The following TMEM132B variants were observed in gnomAD, a reference collection of about 807,000 sequenced individuals.
The protein encoded by TMEM132B is transmembrane protein 132B.
In TMEM132B, 18 loss-of-function variants were observed where a neutral mutation model predicts 90.8. The ratio of observed to expected loss-of-function variants is 0.20; its 90% CI spans 0.14 to 0.29. The LOEUF is 0.29. Ranked by LOEUF, TMEM132B falls within the 10% of genes least tolerant of loss-of-function variation. TMEM132B has a pLI of 1.00. For missense variants in TMEM132B, 1,096 were observed against 1,326.8 expected, an observed-to-expected ratio of 0.83 and a Z score of 2.70; for synonymous variants, 504 against 523.3, an observed-to-expected ratio of 0.96 and a Z score of 0.50.
Position 125,519,759 on chromosome 12 carries a change from A to G in TMEM132B, c.1293+134A>G, listed in dbSNP as rs1036734857. 4.5e-6 allele frequency: 4 copies of G among 884,592 alleles called. No individual in the cohort carries two copies. The African/African-American group carries it at 6.7e-5, about 15-fold the overall frequency. 54.8% of individuals were successfully genotyped at this position (884,592 alleles called of 1,614,324 possible). The stretch of plus-strand genomic sequence containing the variant: ...GGAAAATATACTTAAATTGCATTTG[A>G]TCTACCTGCTTTTCATAATGGCTCC... On this transcript the variant is annotated intron_variant, in intron 4 of 8. Transcript: ENST00000682704.
chr12:125,647,718 G>C (rs1253437703), intron 6 of TMEM132B, among the ~76,000 whole-genome samples: 3 of 152,080 alleles, frequency 2.0e-5, no homozygotes, highest in African/African-American at 7.2e-5. Context: ...AATGGAAAAG[G>C]ATTTGGAACT....
intron 4 of TMEM132B, among the ~76,000 whole-genome samples, chr12:125,559,643 A>G (rs1884471242): frequency 6.6e-6 from 1 of 152,014 alleles, no homozygotes; most frequent in South Asian, 2.1e-4. Flanking sequence ...CCCTCCTGAC[A>G]TGAAAGTGGT....
At chr12:125,243,172 C>T (rs893335108) in intron 1 of TMEM132B, among the ~76,000 whole-genome samples, 1 of 150,000 alleles carries the variant, frequency 6.7e-6, no homozygotes, top group Non-Finnish European at 1.5e-5. Context: ...TTATTGGAAT[C>T]TCACTCTGTC....
Position 125,654,734 on chromosome 12 carries a change from A to G in TMEM132B, c.*24A>G. The G allele has an allele frequency of 6.3e-7, 1 of 1,590,296 alleles. No individual in the cohort carries two copies. Among genetic ancestry groups the G allele is most frequent in the Non-Finnish European group, 8.6e-7 (1 of 1,168,112 alleles). ...AAACTCCTTTCTTATGTTTGTATTC[A>G]CCTTTATGCCTTCTGTTTTTTGAAT... On this transcript the variant is annotated 3_prime_UTR_variant, in exon 9 of 9. Coordinates refer to ENST00000682704, the MANE Select transcript of TMEM132B (RefSeq NM_001366854.1). The surrounding 1 kb of genome is among the most constrained non-coding windows in gnomAD (Gnocchi z 5.8).
chr12:125,423,877 CAT>C (rs1298226744), intron 3 of TMEM132B, among the ~76,000 whole-genome samples: 3 of 152,052 alleles, frequency 2.0e-5, no homozygotes, highest in African/African-American at 7.2e-5. Flanking sequence ...TATATAGTAA[CAT>C]ATTTTCATGT....
intron 1 of TMEM132B, among the ~76,000 whole-genome samples, chr12:125,208,306 A>T (rs1256324877): frequency 6.6e-6 from 1 of 152,226 alleles, no homozygotes; most frequent in South Asian, 2.1e-4. Context: ...TTGAGCTTAG[A>T]TTTACATAAC....
intron 1 of TMEM132B, among the ~76,000 whole-genome samples, chr12:125,342,471 G>A (rs11058146): frequency 0.31 from 47,624 of 152,044 alleles, 7,671 homozygotes; most frequent in South Asian, 0.43. Context: ...TCTCTGGTGT[G>A]TGATGCTAGG....
chr12:125,374,197 C>T (rs1290547344), intron 2 of TMEM132B, among the ~76,000 whole-genome samples: 2 of 152,170 alleles, frequency 1.3e-5, no homozygotes, highest in African/African-American at 4.8e-5. Flanking sequence ...AGGGATGTTC[C>T]TCTTTAGGGA....
At chr12:125,486,729 C>A (rs1316882613) in intron 3 of TMEM132B, among the ~76,000 whole-genome samples, 2 of 152,204 alleles carry the variant, frequency 1.3e-5, no homozygotes, top group Admixed American at 6.5e-5. Flanking sequence ...CTGTAAAATC[C>A]TATTTCCCAG....
chr12:125,656,076 C>A lies in TMEM132B; in HGVS notation c.*1366C>A, dbSNP rs976590819. On this transcript the variant is annotated 3_prime_UTR_variant, in exon 9 of 9. Coordinates refer to ENST00000682704, the MANE Select transcript of TMEM132B (RefSeq NM_001366854.1). Reference sequence around the variant, plus strand: ...AACGGCAAGAGAAAAAAAGAAACAACTCCTGCATAATGTTTAAATAAAAAT... The same window carrying A: ...AACGGCAAGAGAAAAAAAGAAACAAATCCTGCATAATGTTTAAATAAAAAT... 1 of 152,090 alleles carries A rather than the reference C, an allele frequency of 6.6e-6. No individual in the cohort carries two copies. The highest frequency in any genetic ancestry group is 2.4e-5 in the African/African-American group (1 of 41,430). 9.4% of individuals were successfully genotyped at this position (152,090 alleles called of 1,614,324 possible).
At chr12:125,558,020 A>G (rs925286482) in intron 4 of TMEM132B, among the ~76,000 whole-genome samples, 1 of 152,176 alleles carries the variant, frequency 6.6e-6, no homozygotes, top group Non-Finnish European at 1.5e-5. Context: ...GATAACCAGG[A>G]CTGTTCATGA....
chr12:125,437,968 C>T (rs979711003), intron 3 of TMEM132B, among the ~76,000 whole-genome samples: 1 of 152,072 alleles, frequency 6.6e-6, no homozygotes, highest in Non-Finnish European at 1.5e-5. Context: ...ATTTATTTTA[C>T]CACAACAAAA....
chr12:125,204,242 G>A (rs369975515), intron 1 of TMEM132B, among the ~76,000 whole-genome samples: 77 of 142,828 alleles, frequency 5.4e-4, no homozygotes, highest in African/African-American at 1.5e-3. Flanking sequence ...TGAGGGCTCC[G>A]TGTACCAGGC....
At chr12:125,190,215 C>T (rs568762999) in intron 1 of TMEM132B, among the ~76,000 whole-genome samples, 42 of 152,324 alleles carry the variant, frequency 2.8e-4, no homozygotes, top group African/African-American at 9.6e-4. Context: ...AACCCTGTAC[C>T]TGGGAGCTCT....
chr12:125,482,309 G>A (rs531578623), intron 3 of TMEM132B, among the ~76,000 whole-genome samples: 15 of 152,316 alleles, frequency 9.8e-5, no homozygotes, highest in African/African-American at 3.1e-4. Flanking sequence ...CCATCAGAGT[G>A]AACAGGCAAC....
intron 1 of TMEM132B, among the ~76,000 whole-genome samples, chr12:125,338,963 A>G (rs1225200310): frequency 6.6e-6 from 1 of 152,248 alleles, no homozygotes; most frequent in East Asian, 1.9e-4. Context: ...AATAAGCAGC[A>G]CATGTTCATT....
In TMEM132B at chr12:125,406,389, G is replaced by A. The variant is rs953703349; in HGVS notation, c.960-9142G>A. 1.3e-5 allele frequency among the ~76,000 whole-genome samples: 2 copies of A among 152,208 alleles called. No individual in the cohort carries two copies. The highest frequency in any genetic ancestry group is 6.5e-5 in the Admixed American group (1 of 15,282). On this transcript the variant is annotated intron_variant, in intron 2 of 8. Coordinates refer to ENST00000682704, the MANE Select transcript of TMEM132B (RefSeq NM_001366854.1). This position sits in a 1 kb window ranked among gnomAD's most constrained non-coding sequence, Gnocchi z 8.3. ...GGAGGACAGTGCCTGGCTTCTAGAA[G>A]GGGCTTGAGACATTTCAGCATTTGT...
In TMEM132B at chr12:125,407,020, T is replaced by C. The variant is rs149197843; in HGVS notation, c.960-8511T>C. Among the ~76,000 whole-genome samples, 787 of 152,158 alleles carry C rather than the reference T, an allele frequency of 5.2e-3. 3 individuals carry two copies. The highest frequency in any genetic ancestry group is 0.018 in the African/African-American group (761 of 41,524). ...CTGATGTGCAACCATAGGCACAGAG[T>C]GCTGCCAACTGGGGGAGCTCACCCA... is the stretch of plus-strand genomic sequence containing the variant. On this transcript the variant is annotated intron_variant, in intron 2 of 8. Coordinates refer to ENST00000682704, the MANE Select transcript of TMEM132B (RefSeq NM_001366854.1). The surrounding 1 kb of genome is among the most constrained non-coding windows in gnomAD (Gnocchi z 6.7).
intron 2 of TMEM132B, among the ~76,000 whole-genome samples, chr12:125,371,966 G>A (rs748481289): frequency 2.0e-5 from 3 of 152,058 alleles, no homozygotes; most frequent in Non-Finnish European, 2.9e-5. Flanking sequence ...CACTCACTTC[G>A]GTTAGACAGA....
Sources: allele counts gnomAD v4.1 joint callset (sites outside exome capture counted in the v4.1 genomes callset), GRCh38; gene constraint gnomAD v4.1.1; non-coding constraint Gnocchi (gnomAD v3.1); transcripts MANE v1.5; gene names NCBI Gene and HGNC (gene_info 2026-07-23, HGNC 2026-07-21).